The following RASA1 variants were observed in gnomAD, a reference collection of about 807,000 sequenced individuals.
RASA1 encodes the protein RAS p21 protein activator 1, also known as ras GTPase-activating protein 1.
RASA1 carries 25 observed loss-of-function variants against 132.2 expected under a neutral mutation model. That is an observed-to-expected ratio of 0.19 (90% CI 0.14 to 0.26). The LOEUF is 0.26. Among genes scored for constraint, RASA1 ranks in the 10% least tolerant of loss-of-function variants. The pLI is 1.00. For synonymous variants in RASA1, 477 were observed against 449.9 expected, an observed-to-expected ratio of 1.06 and a Z score of -0.76; for missense variants, 964 against 1,299.2, an observed-to-expected ratio of 0.74 and a Z score of 3.97.
chr5:87,345,966 TAAATCAG>T (rs1450359458), intron 6 of RASA1, among the ~76,000 whole-genome samples: 2 of 152,136 alleles, frequency 1.3e-5, no homozygotes, highest in African/African-American at 2.4e-5. Context: ...AATTACTTTT[TAAATCAG>T]ATATATCCTT....
intron 6 of RASA1, among the ~76,000 whole-genome samples, chr5:87,345,786 C>G (rs948180203): frequency 1.3e-5 from 2 of 152,074 alleles, no homozygotes; most frequent in Admixed American, 6.6e-5. Context: ...TATTTACTTT[C>G]TAGCTTGCTC....
chr5:87,383,799 AT>A lies in RASA1; in HGVS notation c.2758+23del, dbSNP rs752166991. On this transcript the variant is annotated intron_variant, in intron 21 of 24. Coordinates refer to ENST00000274376, the MANE Select transcript of RASA1 (RefSeq NM_002890.3). ...ATCTCAGGTAATCAGCTTTTGATAC[AT>A]TTTGAAATTCAAAATATTAGAATTA... The A allele has an allele frequency of 6.3e-7, 1 of 1,587,252 alleles. No homozygotes were observed. The highest frequency in any genetic ancestry group is 1.1e-5 in the South Asian group (1 of 89,608).
chr5:87,290,714 A>T (rs545690907), intron 1 of RASA1, among the ~76,000 whole-genome samples: 12 of 152,282 alleles, frequency 7.9e-5, no homozygotes, highest in African/African-American at 2.9e-4. Context: ...TACCTTCTCC[A>T]GGATGTTGTA....
rs550196365 is a variant in RASA1 at position 87,374,765 on chromosome 5, G to A, written c.1935-75G>A. 4.3e-3 allele frequency: 6,658 copies of A among 1,558,722 alleles called. 18 individuals are homozygous for A. The highest frequency in any genetic ancestry group is 5.2e-3 in the Non-Finnish European group (5,907 of 1,146,874). On this transcript the variant is annotated intron_variant, in intron 14 of 24. Transcript: ENST00000274376. ...TAAAGCAGAAATAGGGGGTTTATTT[G>A]ATACTAGAACTAAAGAAATAAGGTA...
intron 9 of RASA1, among the ~76,000 whole-genome samples, chr5:87,359,305 A>C (rs1759893520): frequency 6.6e-6 from 1 of 152,202 alleles, no homozygotes; most frequent in Non-Finnish European, 1.5e-5. Context: ...AGATTACTGA[A>C]TTTCCCTTGG....
chr5:87,286,334 A>T (rs564329054), intron 1 of RASA1, among the ~76,000 whole-genome samples: 69 of 151,926 alleles, frequency 4.5e-4, no homozygotes, highest in Non-Finnish European at 8.8e-4. Context: ...TTCTTCTCCT[A>T]TTAGAGTGGT....
chr5:87,282,257 G>T (rs1754351364), intron 1 of RASA1, among the ~76,000 whole-genome samples: 1 of 151,936 alleles, frequency 6.6e-6, no homozygotes, highest in South Asian at 2.1e-4. Context: ...ATGTCTGCTA[G>T]TAACAATTTA....
chr5:87,388,471 A>C (rs1014767437), intron 23 of RASA1, among the ~76,000 whole-genome samples: 3 of 152,204 alleles, frequency 2.0e-5, no homozygotes, highest in Non-Finnish European at 4.4e-5. Context: ...AGGAAATGCT[A>C]TTTGGAAAAT....
chr5:87,365,374 C>T (rs1760432879), intron 11 of RASA1, among the ~76,000 whole-genome samples: 1 of 152,100 alleles, frequency 6.6e-6, no homozygotes, highest in African/African-American at 2.4e-5. Context: ...TTTATAGTGG[C>T]TATACCTCAG....
At chr5:87,339,391 C>T (rs1758275497) in intron 5 of RASA1, among the ~76,000 whole-genome samples, 2 of 152,080 alleles carry the variant, frequency 1.3e-5, no homozygotes, top group Admixed American at 1.3e-4. Context: ...ATATTTACTC[C>T]ATATAGGCAA....
chr5:87,303,734 A>G (rs1387551196), intron 1 of RASA1, among the ~76,000 whole-genome samples: 2 of 151,426 alleles, frequency 1.3e-5, no homozygotes, highest in African/African-American at 2.4e-5. Context: ...GTATATATAT[A>G]TAATTCATAT....
chr5:87,323,569 G>C (rs1160292352), intron 1 of RASA1, among the ~76,000 whole-genome samples: 1 of 152,150 alleles, frequency 6.6e-6, no homozygotes, highest in African/African-American at 2.4e-5. Context: ...AAGTAAGGTA[G>C]TATGTCTGTA....
chr5:87,298,690 A>AT (rs1220121002), intron 1 of RASA1, among the ~76,000 whole-genome samples: 3 of 152,054 alleles, frequency 2.0e-5, no homozygotes, highest in African/African-American at 7.2e-5. Flanking sequence ...TTGAGGTTGG[A>AT]TTTTTTGTTT....
At chr5:87,330,264 C>G (rs913932295) in intron 1 of RASA1, among the ~76,000 whole-genome samples, 1 of 151,928 alleles carries the variant, frequency 6.6e-6, no homozygotes, top group Non-Finnish European at 1.5e-5. Context: ...TTTATTACAA[C>G]AAGCTTACAA....
intron 11 of RASA1, among the ~76,000 whole-genome samples, chr5:87,367,060 A>G (rs1207120798): frequency 1.3e-5 from 2 of 152,280 alleles, no homozygotes; most frequent in Admixed American, 1.3e-4. Flanking sequence ...ACAACAACAA[A>G]AATTTTTTTT....
chr5:87,295,946 A>G (rs1755100606), intron 1 of RASA1, among the ~76,000 whole-genome samples: 2 of 151,784 alleles, frequency 1.3e-5, no homozygotes, highest in South Asian at 2.1e-4. Context: ...CCTCTGGGGT[A>G]GCTGGGATTA....
At chr5:87,349,936 T>C (rs941924001) in intron 8 of RASA1, among the ~76,000 whole-genome samples, 1 of 151,880 alleles carries the variant, frequency 6.6e-6, no homozygotes, top group African/African-American at 2.4e-5. Context: ...ATGTCAGCAA[T>C]TTTTCAGTCA....
chr5:87,290,375 T>C (rs1754862757), intron 1 of RASA1, among the ~76,000 whole-genome samples: 1 of 152,344 alleles, frequency 6.6e-6, no homozygotes, highest in South Asian at 2.1e-4. Context: ...AGTTTTAGCT[T>C]TATGGCAAAA....
intron 9 of RASA1, among the ~76,000 whole-genome samples, chr5:87,359,126 A>T (rs559416294): frequency 6.6e-6 from 1 of 152,336 alleles, no homozygotes; most frequent in South Asian, 2.1e-4. Context: ...TATCTCAAGA[A>T]CTACAACAGT....
Sources: gnomAD v4.1 joint callset for allele counts (sites outside exome capture counted in the v4.1 genomes callset) on GRCh38, gnomAD v4.1.1 for gene constraint, MANE v1.5 for transcripts, NCBI Gene and HGNC (gene_info 2026-07-23, HGNC 2026-07-21) for gene names.